The following TMPRSS15 variants were observed in gnomAD, a reference collection of about 807,000 sequenced individuals.
TMPRSS15 encodes transmembrane serine protease 15.
TMPRSS15 carries 128 observed loss-of-function variants against 125.3 expected under a neutral mutation model. The ratio of observed to expected loss-of-function variants is 1.02; its 90% confidence interval spans 0.89 to 1.18. TMPRSS15 has a LOEUF of 1.18. TMPRSS15 is among the 50% of genes most tolerant of loss of function. TMPRSS15 has a pLI of 0.00. For synonymous variants in TMPRSS15, 446 were observed against 423.2 expected, an observed-to-expected ratio of 1.05 and a Z score of -0.66; for missense variants, 1,283 against 1,212.7, an observed-to-expected ratio of 1.06 and a Z score of -0.86.
At chr21:18,459,298 G>A (rs2123271523) in intron 1 of TMPRSS15, among the ~76,000 whole-genome samples, 1 of 150,996 alleles carries the variant, frequency 6.6e-6, no homozygotes, top group Non-Finnish European at 1.5e-5. Context: ...TTTTGAGACA[G>A]AGTCTTGCTC....
intron 5 of TMPRSS15, 31 bp downstream of exon 5, chr21:18,379,251 CA>C: frequency 1.7e-6 from 2 of 1,187,742 alleles, no homozygotes; most frequent in Non-Finnish European, 2.2e-6. Flanking sequence ...AACTTTCTTT[CA>C]AAAAATAATA....
At chr21:18,468,578 A>C (rs533228344) in intron 1 of TMPRSS15, among the ~76,000 whole-genome samples, 5 of 152,236 alleles carry the variant, frequency 3.3e-5, no homozygotes, top group East Asian at 1.9e-4. Flanking sequence ...TATTTGCTTC[A>C]TCAATTATTT....
chr21:18,311,899 T>C (rs185978367), intron 18 of TMPRSS15, among the ~76,000 whole-genome samples: 37 of 152,290 alleles, frequency 2.4e-4, no homozygotes, highest in African/African-American at 8.2e-4. Context: ...TAGATTGGTA[T>C]ATGGATATTT....
At chr21:18,442,974 T>A (rs564334813) in intron 1 of TMPRSS15, among the ~76,000 whole-genome samples, 4 of 152,296 alleles carry the variant, frequency 2.6e-5, no homozygotes, top group Admixed American at 2.6e-4. Flanking sequence ...GGTGATGGGA[T>A]GTAGGTTAAT....
At chr21:18,393,626 C>A (rs540212489) in intron 3 of TMPRSS15, among the ~76,000 whole-genome samples, 14 of 152,238 alleles carry the variant, frequency 9.2e-5, no homozygotes, top group African/African-American at 3.1e-4. Context: ...TACAACCTGA[C>A]ATGTAATGCC....
At chr21:18,485,322 T>C (rs372202025) in intron 1 of TMPRSS15, among the ~76,000 whole-genome samples, 88 of 152,084 alleles carry the variant, frequency 5.8e-4, no homozygotes, top group African/African-American at 2.0e-3. Flanking sequence ...TCTTGCCTTA[T>C]TATATTAGCT....
chr21:18,421,866 T>G (rs2123192569), intron 1 of TMPRSS15, among the ~76,000 whole-genome samples: 1 of 152,306 alleles, frequency 6.6e-6, no homozygotes, highest in East Asian at 1.9e-4. Flanking sequence ...GAAAAATGAT[T>G]ATCGATACAC....
chr21:18,331,850 G>A (rs2075348404), intron 14 of TMPRSS15, among the ~76,000 whole-genome samples: 1 of 152,092 alleles, frequency 6.6e-6, no homozygotes, highest in Non-Finnish European at 1.5e-5. Context: ...AGTTCTTGTG[G>A]GAAATGAATG....
chr21:18,308,266 C>G (rs1009789503), intron 18 of TMPRSS15, among the ~76,000 whole-genome samples: 1 of 151,978 alleles, frequency 6.6e-6, no homozygotes, highest in African/African-American at 2.4e-5. Flanking sequence ...GACTCTTTAT[C>G]AACAAAAATT....
chr21:18,283,105 T>G (rs1167713905), intron 21 of TMPRSS15, among the ~76,000 whole-genome samples: 1 of 152,178 alleles, frequency 6.6e-6, no homozygotes, highest in Admixed American at 6.5e-5. Flanking sequence ...GAATCTGTAC[T>G]TCAGCCATGC....
intron 24 of TMPRSS15, among the ~76,000 whole-genome samples, chr21:18,272,897 G>A (rs1425614666): frequency 6.6e-6 from 1 of 152,008 alleles, no homozygotes; most frequent in African/African-American, 2.4e-5. Context: ...TGAGTGCAAG[G>A]GTTGGTGACC....
chr21:18,283,195 G>C (rs2074722310), intron 21 of TMPRSS15, among the ~76,000 whole-genome samples: 1 of 152,122 alleles, frequency 6.6e-6, no homozygotes, highest in Non-Finnish European at 1.5e-5. Flanking sequence ...CCTATGTAGG[G>C]AGAGTGAACA....
intron 1 of TMPRSS15, among the ~76,000 whole-genome samples, chr21:18,437,787 C>T (rs1317255168): frequency 6.6e-6 from 1 of 152,174 alleles, no homozygotes; most frequent in Non-Finnish European, 1.5e-5. Context: ...TACCATCTCA[C>T]ACCAGTTAGA....
intron 12 of TMPRSS15, among the ~76,000 whole-genome samples, chr21:18,342,252 G>A (rs1025342765): frequency 2.0e-5 from 3 of 152,184 alleles, no homozygotes; most frequent in Non-Finnish European, 4.4e-5. Flanking sequence ...TTGAATGTCT[G>A]CTATATGCTA....
At chr21:18,439,734 A>G (rs1569069166) in intron 1 of TMPRSS15, among the ~76,000 whole-genome samples, 1 of 152,196 alleles carries the variant, frequency 6.6e-6, no homozygotes, top group Non-Finnish European at 1.5e-5. Context: ...GGATGGAAAA[A>G]AAAGAGACTA....
At chr21:18,411,637 C>G (rs948094949) in intron 1 of TMPRSS15, among the ~76,000 whole-genome samples, 1 of 152,150 alleles carries the variant, frequency 6.6e-6, no homozygotes, top group Non-Finnish European at 1.5e-5. Context: ...CTCCTCTTGT[C>G]TGACTACAGT....
intron 1 of TMPRSS15, among the ~76,000 whole-genome samples, chr21:18,483,958 T>A (rs1035802401): frequency 6.6e-6 from 1 of 151,910 alleles, no homozygotes; most frequent in East Asian, 1.9e-4. Flanking sequence ...TGTTTAGTAA[T>A]CCTTATTTTT....
chr21:18,461,884 G>A (rs1003757091), intron 1 of TMPRSS15, among the ~76,000 whole-genome samples: 6 of 152,060 alleles, frequency 3.9e-5, no homozygotes, highest in Admixed American at 2.6e-4. Context: ...CTTTATGGGA[G>A]GAGGAGTTTC....
chr21:18,373,807 C>G (rs1342527943), intron 5 of TMPRSS15, among the ~76,000 whole-genome samples: 1 of 152,164 alleles, frequency 6.6e-6, no homozygotes, highest in African/African-American at 2.4e-5. Flanking sequence ...CAAAACCACA[C>G]CAGCAAGTCA....
Sources: gnomAD v4.1 joint callset for allele counts (sites outside exome capture counted in the v4.1 genomes callset) on GRCh38, gnomAD v4.1.1 for gene constraint, MANE v1.5 for transcripts, NCBI Gene and HGNC (gene_info 2026-07-23, HGNC 2026-07-21) for gene names.